The following GNG11 variants were observed in gnomAD, a reference collection of about 807,000 sequenced individuals.
GNG11 encodes guanine nucleotide-binding protein G(I)/G(S)/G(O) subunit gamma-11.
Under a neutral mutation model 7.4 loss-of-function variants are expected in GNG11, and 6 were observed. The observed-to-expected ratio is 0.81, with a 90% CI of 0.44 to 1.60. The LOEUF is 1.60. Ranked by LOEUF, GNG11 falls within the 40% of genes most tolerant of loss-of-function variation. GNG11 has a pLI of 0.01. For missense variants in GNG11, 65 were observed against 83.0 expected (o/e 0.78, Z 0.84); for synonymous variants, 31 against 25.9 (o/e 1.20, Z -0.60).
intron 1 of GNG11, among the ~76,000 whole-genome samples, chr7:93,925,328 A>T (rs953470010): frequency 1.3e-5 from 2 of 152,026 alleles, no homozygotes; most frequent in Non-Finnish European, 2.9e-5. Context: ...TTAAGGATAG[A>T]TAGACTTTTT....
At position 93,926,151 on chromosome 7, in the gene GNG11, C is replaced by G. The variant is rs1368809087; in HGVS notation, c.157C>G (p.Leu53Val). The G allele has an allele frequency of 6.3e-7, 1 of 1,584,562 alleles. No homozygotes were observed. The highest frequency in any genetic ancestry group is 8.6e-7 in the Non-Finnish European group (1 of 1,158,864). The change falls in exon 2 of 2, where the codon CTA (leucine) becomes GTA (valine). Residue 53 changes from leucine to valine, a missense_variant. Transcript: ENST00000248564. The part of the protein sequence containing the change: ...YIEERSGEDP[L>V]VKGIPEDKNP... ...TGAAGAACGTTCTGGAGAGGATCCT[C>G]TAGTAAAGGGAATTCCAGAAGACAA... is the stretch of plus-strand genomic sequence containing the variant.
chr7:93,924,888 G>A (rs191363536), intron 1 of GNG11, among the ~76,000 whole-genome samples: 1 of 152,336 alleles, frequency 6.6e-6, no homozygotes, highest in Admixed American at 6.5e-5. Flanking sequence ...GGTGCGGCCT[G>A]GCGCGGTGTC....
intron 1 of GNG11, among the ~76,000 whole-genome samples, chr7:93,925,186 T>G (rs888539559): frequency 5.9e-5 from 9 of 152,242 alleles, no homozygotes; most frequent in African/African-American, 2.2e-4. Flanking sequence ...ATAATTAAAT[T>G]AAATTAAATT....
At chr7:93,925,380 A>G (rs1794663405) in intron 1 of GNG11, among the ~76,000 whole-genome samples, 1 of 152,152 alleles carries the variant, frequency 6.6e-6, no homozygotes, top group African/African-American at 2.4e-5. Context: ...TGAAGACACT[A>G]TTCAATTTTT....
chr7:93,926,019 T>C (rs1382109207), intron 1 of GNG11, 72 bp from the exon 2 acceptor site: 9 of 821,898 alleles, frequency 1.1e-5, no homozygotes, highest in East Asian at 2.8e-5. Flanking sequence ...ATTATACTTA[T>C]TTCATTAAGG....
chr7:93,924,679 T>C (rs935178368), intron 1 of GNG11, among the ~76,000 whole-genome samples: 1 of 152,360 alleles, frequency 6.6e-6, no homozygotes, highest in Admixed American at 6.5e-5. Flanking sequence ...AATTTCCAGT[T>C]TATGTTTTAT....
rs1358655019 is a variant in GNG11 at position 93,927,063 on chromosome 7, T to C, written c.*847T>C. On this transcript the variant is annotated 3_prime_UTR_variant, in exon 2 of 2. Transcript: ENST00000248564. ...GCAGACACTTGGACCTCTGCACTCA[T>C]GCTTGCCAGCATTTTCCAGCAGGCC... 1 of 152,308 alleles carries C rather than the reference T, an allele frequency of 6.6e-6. No individual in the cohort carries two copies. The highest frequency in any genetic ancestry group is 6.5e-5 in the Admixed American group (1 of 15,286). 9.4% of individuals were successfully genotyped at this position (152,308 alleles called of 1,614,324 possible).
rs527869204 is a variant in GNG11, at chr7:93,922,626, G to GT, written c.96+394dup. 1.1e-4 allele frequency among the ~76,000 whole-genome samples: 16 copies of GT among 152,214 alleles called. No homozygotes were observed. The South Asian group carries it at 3.3e-3, about 32-fold the overall frequency. On this transcript the variant is annotated intron_variant, in intron 1 of 1. Coordinates refer to ENST00000248564, the MANE Select transcript of GNG11 (RefSeq NM_004126.4). ...TATTTGAAAGAAATTTTCTAAAACCGTATTTTAAAGTCTTACAAGTACATT... is the reference window on the plus strand; with the variant it reads ...TATTTGAAAGAAATTTTCTAAAACCGTTATTTTAAAGTCTTACAAGTACATT...
rs772202648 is a variant in GNG11, at chr7:93,926,079, T to C, written c.97-12T>C. The C allele has an allele frequency of 8.2e-6, 12 of 1,468,368 alleles. No individual in the cohort carries two copies. The highest frequency in any genetic ancestry group is 1.0e-5 in the Non-Finnish European group (11 of 1,086,434). 91.0% of individuals were successfully genotyped at this position (1,468,368 alleles called of 1,614,324 possible). A position where few individuals can be genotyped will look rare whatever the true frequency, so the allele number is the denominator to read the frequency against. ...CTAACCTAATGTATTCTCTTTTTTTTCTATACTTAAGGTGTCTAAATGTTC... is the reference window on the plus strand; with the variant it reads ...CTAACCTAATGTATTCTCTTTTTTTCCTATACTTAAGGTGTCTAAATGTTC... On this transcript the variant is annotated splice_polypyrimidine_tract_variant and intron_variant, in intron 1 of 1. Transcript: ENST00000248564.
chr7:93,924,077 GAGAT>G (rs1794646695), intron 1 of GNG11, among the ~76,000 whole-genome samples: 1 of 152,130 alleles, frequency 6.6e-6, no homozygotes, highest in African/African-American at 2.4e-5. Flanking sequence ...TAAGACCACA[GAGAT>G]AGATAGTGAT....
rs769924642 is a variant in GNG11 at position 93,926,228 on chromosome 7, G to A, written c.*12G>A. The A allele has an allele frequency of 3.2e-6, 5 of 1,559,574 alleles. No homozygotes were observed. Among genetic ancestry groups the A allele is most frequent in the African/African-American group, 1.4e-5 (1 of 72,194 alleles). ...GTGTTATTTCATAAATAACTTGGGA[G>A]AAACTGCATCCTAAGTGGAAGAACT... On this transcript the variant is annotated 3_prime_UTR_variant, in exon 2 of 2. Coordinates refer to ENST00000248564, the MANE Select transcript of GNG11 (RefSeq NM_004126.4).
intron 1 of GNG11, among the ~76,000 whole-genome samples, chr7:93,922,537 A>G (rs1794629870): frequency 6.6e-6 from 1 of 152,202 alleles, no homozygotes; most frequent in Admixed American, 6.5e-5. Context: ...TTCAAAACTC[A>G]CTTGTAGGAA....
chr7:93,924,791 G>A (rs917673699), intron 1 of GNG11, among the ~76,000 whole-genome samples: 5 of 152,174 alleles, frequency 3.3e-5, no homozygotes, highest in African/African-American at 9.7e-5. Flanking sequence ...AGTAGTAACC[G>A]TTAAAACAGT....
rs572946152 is a variant in GNG11, at chr7:93,926,071, CT to C, written c.97-12del. ...AAACAACCCTAACCTAATGTATTCTCTTTTTTTTCTATACTTAAGGTGTCTA... is the reference window on the plus strand; with the variant it reads ...AAACAACCCTAACCTAATGTATTCTCTTTTTTTCTATACTTAAGGTGTCTA... On this transcript the variant is annotated intron_variant, in intron 1 of 1. Coordinates refer to ENST00000248564, the MANE Select transcript of GNG11 (RefSeq NM_004126.4). 2.8e-5 allele frequency: 40 copies of C among 1,438,706 alleles called. No individual in the cohort carries two copies. Among genetic ancestry groups the C allele is most frequent in the African/African-American group, 7.2e-5 (5 of 69,648 alleles). 89.1% of individuals were successfully genotyped at this position (1,438,706 alleles called of 1,614,324 possible).
At chr7:93,923,486 T>C (rs1199335845) in intron 1 of GNG11, among the ~76,000 whole-genome samples, 1 of 152,204 alleles carries the variant, frequency 6.6e-6, no homozygotes, top group African/African-American at 2.4e-5. Context: ...AGCACGCTTC[T>C]TGAAACCTTA....
In GNG11 at chr7:93,926,239, C is replaced by T. The variant is rs1220796491; in HGVS notation, c.*23C>T. ...TAAATAACTTGGGAGAAACTGCATC[C>T]TAAGTGGAAGAACTAGTTTGTTTTA... On this transcript the variant is annotated 3_prime_UTR_variant, in exon 2 of 2. Transcript: ENST00000248564. 96 of 1,541,888 alleles carry T rather than the reference C, an allele frequency of 6.2e-5. 1 individual carries two copies. The highest frequency in any genetic ancestry group is 8.2e-5 in the Non-Finnish European group (94 of 1,145,792).
intron 1 of GNG11, 46 bp downstream of exon 1, chr7:93,922,279 G>A: frequency 8.4e-7 from 1 of 1,194,344 alleles, no homozygotes; most frequent in African/African-American, 1.5e-5. Flanking sequence ...AATGAAGCAG[G>A]GTCCGATTTT....
intron 1 of GNG11, among the ~76,000 whole-genome samples, chr7:93,923,853 C>T (rs902370235): frequency 6.6e-6 from 1 of 151,984 alleles, no homozygotes; most frequent in African/African-American, 2.4e-5. Context: ...AAGTGTATGC[C>T]AGAGGGAGAA....
rs1794711300 is a variant in GNG11 at position 93,928,472 on chromosome 7, C to T, written c.*2256C>T. The T allele has an allele frequency of 6.6e-6, 1 of 152,140 alleles. No homozygotes were observed. Among genetic ancestry groups the T allele is most frequent in the African/African-American group, 2.4e-5 (1 of 41,426 alleles). The allele number at this position is 152,140 out of a possible 1,614,324, so 9.4% of individuals were successfully genotyped here. On this transcript the variant is annotated 3_prime_UTR_variant, in exon 2 of 2. Coordinates refer to ENST00000248564, the MANE Select transcript of GNG11 (RefSeq NM_004126.4). Reference sequence around the variant, plus strand: ...AATTAAAAAAGAAAAAATACATCCACTATATATTTAGATATATTGTAAATG... The same window carrying T: ...AATTAAAAAAGAAAAAATACATCCATTATATATTTAGATATATTGTAAATG...
Sources: gnomAD v4.1 joint callset for allele counts (sites outside exome capture counted in the v4.1 genomes callset) on GRCh38, gnomAD v4.1.1 for gene constraint, MANE v1.5 for transcripts, NCBI Gene and HGNC (gene_info 2026-07-23, HGNC 2026-07-21) for gene names.